PTBP3: variants seen among roughly 807,000 people sequenced by gnomAD.
The protein encoded by PTBP3 is polypyrimidine tract binding protein 3.
PTBP3 carries 20 observed loss-of-function variants against 58.7 expected under a neutral mutation model. The observed-to-expected ratio is 0.34, with a 90% CI of 0.24 to 0.50. PTBP3 has a LOEUF of 0.50. PTBP3 is among the 20% of genes least tolerant of loss of function. PTBP3 has a pLI of 0.98. For synonymous variants in PTBP3, 185 were observed against 219.8 expected (o/e 0.84, Z 1.40); for missense variants, 509 against 637.2 (o/e 0.80, Z 2.17).
chr9:112,330,377 G>A (rs1830318776), intron 1 of PTBP3: 1 of 1,217,138 alleles, frequency 8.2e-7, no homozygotes, highest in Non-Finnish European at 1.2e-6. Flanking sequence ...TTATGAACAG[G>A]TGAGACTGAA....
chr9:112,330,840 TGTCTGAG>T (rs1830340074), intron 1 of PTBP3, among the ~76,000 whole-genome samples: 1 of 152,160 alleles, frequency 6.6e-6, no homozygotes, highest in Non-Finnish European at 1.5e-5. Flanking sequence ...TGAATAATCG[TGTCTGAG>T]GTTTTAAATG....
At chr9:112,292,822 C>G (rs903425368) in intron 2 of PTBP3, among the ~76,000 whole-genome samples, 1 of 152,154 alleles carries the variant, frequency 6.6e-6, no homozygotes, top group South Asian at 2.1e-4. Context: ...TGAAAAACTT[C>G]TAGCGATCTG....
upstream of PTBP3, among the ~76,000 whole-genome samples, chr9:112,335,599 CTTTTTT>C (rs113253430): frequency 4.9e-5 from 5 of 102,704 alleles, no homozygotes; most frequent in Non-Finnish European, 9.3e-5. Context: ...TACCATTTTT[CTTTTTT>C]TTTTTTTTTT....
chr9:112,249,547 T>G (rs1836020901), intron 7 of PTBP3, among the ~76,000 whole-genome samples: 1 of 152,116 alleles, frequency 6.6e-6, no homozygotes, highest in Non-Finnish European at 1.5e-5. Context: ...TTTCACACAA[T>G]ATATAAAGTG....
chr9:112,339,246 G>T, the PTBP3 span, among the ~76,000 whole-genome samples: 2 of 134,736 alleles, frequency 1.5e-5, no homozygotes, highest in East Asian at 4.6e-4. Flanking sequence ...AGCTGAGATC[G>T]TGACACTGCA....
In PTBP3 at chr9:112,220,008, A is replaced by C. The variant is rs1660266752; in HGVS notation, c.*3843T>G. ...TGTATTTCTTTCAGCACAATAGTAG[A>C]GTATTTTGAGTCTGGCAGTTTTGTT... On this transcript the variant is annotated 3_prime_UTR_variant, in exon 14 of 14. Transcript: ENST00000374257. 1 of 899,524 alleles carries C rather than the reference A, an allele frequency of 1.1e-6. No homozygotes were observed. The highest frequency in any genetic ancestry group is 1.8e-5 in the African/African-American group (1 of 55,432). 55.7% of individuals were successfully genotyped at this position (899,524 alleles called of 1,614,324 possible). A position where few individuals can be genotyped will look rare whatever the true frequency, so the allele number is the denominator to read the frequency against.
At chr9:112,320,116 C>T (rs1587886862) in intron 1 of PTBP3, among the ~76,000 whole-genome samples, 1 of 151,368 alleles carries the variant, frequency 6.6e-6, no homozygotes, top group Non-Finnish European at 1.5e-5. Context: ...CTATATACTT[C>T]AGTTTTTAAA....
intron 3 of PTBP3, 21 bp downstream of exon 3, chr9:112,275,823 C>CA (rs769564825): frequency 6.3e-6 from 10 of 1,576,724 alleles, no homozygotes; most frequent in Non-Finnish European, 8.7e-6. Context: ...CACTCTTTGT[C>CA]AATCTTTAAA....
intron 10 of PTBP3, 71 bp from the exon 11 acceptor site, chr9:112,228,543 A>T: frequency 9.0e-7 from 1 of 1,108,434 alleles, no homozygotes; most frequent in Non-Finnish European, 1.3e-6. Flanking sequence ...TTACTAATAT[A>T]CTTAAAGAAG....
At position 112,223,707 on chromosome 9, in the gene PTBP3, C is replaced by T. The variant is rs1834879496; in HGVS notation, c.*144G>A. On this transcript the variant is annotated 3_prime_UTR_variant, in exon 14 of 14. Coordinates refer to ENST00000374257, the MANE Select transcript of PTBP3 (RefSeq NM_001163788.4). ...AGGGGGAATACAAAAAAAAAAAATCCCTTGATTTTTAAAATATACTTGAAT... is the reference window on the plus strand; with the variant it reads ...AGGGGGAATACAAAAAAAAAAAATCTCTTGATTTTTAAAATATACTTGAAT... 7.4e-7 allele frequency: 1 copy of T among 1,359,566 alleles called. No homozygotes were observed. 84.2% of individuals were successfully genotyped at this position (1,359,566 alleles called of 1,614,324 possible).
chr9:112,272,534 ATATT>A (rs1410400817), intron 3 of PTBP3: 1 of 152,212 alleles, frequency 6.6e-6, no homozygotes, highest in Non-Finnish European at 1.5e-5. Context: ...ACAGAAGAAC[ATATT>A]TATTTATTCA....
chr9:112,307,598 GAACATGAAA>G (rs1316476703), intron 1 of PTBP3, among the ~76,000 whole-genome samples: 1 of 152,018 alleles, frequency 6.6e-6, no homozygotes, highest in Non-Finnish European at 1.5e-5. Flanking sequence ...AATAATTTCA[GAACATGAAA>G]AACAAAAGAC....
At chr9:112,361,556 C>CCTTCG in the PTBP3 span, among the ~76,000 whole-genome samples, 1 of 152,016 alleles carries the variant, frequency 6.6e-6, no homozygotes, top group South Asian at 2.1e-4. Flanking sequence ...TAAATTTCTA[C>CCTTCG]CTTATTTTCC....
intron 4 of PTBP3, among the ~76,000 whole-genome samples, chr9:112,264,215 GAGA>G (rs1300873847): frequency 1.3e-5 from 2 of 152,266 alleles, no homozygotes; most frequent in South Asian, 2.1e-4. Flanking sequence ...TTCTCAGATT[GAGA>G]AGAAGAAAAT....
At chr9:112,302,582 CTTTTTTTTTT>C (rs369208342) in intron 1 of PTBP3, among the ~76,000 whole-genome samples, 11 of 110,504 alleles carry the variant, frequency 1.0e-4, no homozygotes, top group Middle Eastern at 5.0e-3. Context: ...TATTCTTCAT[CTTTTTTTTTT>C]TTTTTTTTTT....
At chr9:112,233,544 G>A (rs1001248378) in intron 8 of PTBP3, among the ~76,000 whole-genome samples, 2 of 152,078 alleles carry the variant, frequency 1.3e-5, no homozygotes, top group African/African-American at 4.8e-5. Context: ...TTAAACATAT[G>A]TTAAGATATA....
the PTBP3 span, among the ~76,000 whole-genome samples, chr9:112,368,886 T>TGGGCCA: frequency 2.0e-5 from 3 of 152,206 alleles, no homozygotes; most frequent in Admixed American, 6.5e-5. Flanking sequence ...AATGGTTTCA[T>TGGGCCA]GGGCCAGGGC....
chr9:112,232,753 A>C (rs1358972464), intron 8 of PTBP3, among the ~76,000 whole-genome samples: 1 of 152,160 alleles, frequency 6.6e-6, no homozygotes, highest in East Asian at 1.9e-4. Flanking sequence ...TTCTGACCAA[A>C]ATAGATATTT....
intron 7 of PTBP3, among the ~76,000 whole-genome samples, chr9:112,250,057 T>C (rs1248317240): frequency 6.6e-6 from 1 of 152,134 alleles, no homozygotes; most frequent in Non-Finnish European, 1.5e-5. Flanking sequence ...TTTAAAATAA[T>C]GAACTATTTT....
Sources: allele counts gnomAD v4.1 joint callset (sites outside exome capture counted in the v4.1 genomes callset), GRCh38; gene constraint gnomAD v4.1.1; transcripts MANE v1.5; gene names NCBI Gene and HGNC (gene_info 2026-07-23, HGNC 2026-07-21).